The following RIMS1 variants were observed in gnomAD, a reference collection of about 807,000 sequenced individuals.
RIMS1 encodes regulating synaptic membrane exocytosis protein 1.
Under a neutral mutation model 214.1 loss-of-function variants are expected in RIMS1, and 83 were observed. That is an observed-to-expected ratio of 0.39 (90% CI 0.32 to 0.47). The LOEUF (loss-of-function observed/expected upper bound fraction) is 0.47, where lower values mean the gene tolerates loss of function less well. RIMS1 is among the 20% of genes least tolerant of loss of function. RIMS1 has a pLI of 0.99. For synonymous variants in RIMS1, 793 were observed against 786.8 expected (o/e 1.01, Z -0.13); for missense variants, 2,050 against 2,161.8 (o/e 0.95, Z 1.03).
At chr6:72,164,546 A>G (rs77250488) in intron 4 of RIMS1, among the ~76,000 whole-genome samples, 1,700 of 152,064 alleles carry the variant, frequency 0.011, 11 homozygotes, top group Non-Finnish European at 0.017. Flanking sequence ...AAAAGTTTGT[A>G]TTTTTCTGTA....
intron 4 of RIMS1, among the ~76,000 whole-genome samples, chr6:72,158,970 G>A (rs1233487135): frequency 7.1e-6 from 1 of 140,164 alleles, no homozygotes; most frequent in South Asian, 2.4e-4. Context: ...CTGAGGAATC[G>A]CCACACTGAC....
intron 1 of RIMS1, among the ~76,000 whole-genome samples, chr6:71,890,898 A>G (rs1177510823): frequency 6.6e-6 from 1 of 152,176 alleles, no homozygotes; most frequent in East Asian, 1.9e-4. Context: ...GAATTTAGTA[A>G]TATCCTAAAC....
At chr6:72,256,765 ATAT>A (rs2076038571) in intron 16 of RIMS1, among the ~76,000 whole-genome samples, 1 of 151,850 alleles carries the variant, frequency 6.6e-6, no homozygotes, top group Non-Finnish European at 1.5e-5. Flanking sequence ...TCTAGCCTTA[ATAT>A]TATAATTTCT....
intron 26 of RIMS1, among the ~76,000 whole-genome samples, chr6:72,298,476 A>G (rs1410374048): frequency 3.3e-5 from 5 of 152,030 alleles, no homozygotes; most frequent in Non-Finnish European, 7.4e-5. Flanking sequence ...GTTCTCATCC[A>G]CTTTGCTCTG....
chr6:72,352,868 A>G (rs770947909), intron 29 of RIMS1, among the ~76,000 whole-genome samples: 1 of 152,058 alleles, frequency 6.6e-6, no homozygotes, highest in Non-Finnish European at 1.5e-5. Flanking sequence ...GCAACCACTT[A>G]CTATGAATTC....
At chr6:72,351,341 A>G (rs2097440262) in intron 29 of RIMS1, among the ~76,000 whole-genome samples, 1 of 152,186 alleles carries the variant, frequency 6.6e-6, no homozygotes, top group African/African-American at 2.4e-5. Context: ...ACTGACAGTC[A>G]TGTTTAGGTG....
intron 4 of RIMS1, among the ~76,000 whole-genome samples, chr6:72,157,209 T>C (rs1247929365): frequency 7.1e-6 from 1 of 140,814 alleles, no homozygotes; most frequent in Non-Finnish European, 1.6e-5. Flanking sequence ...GTGTCAGGCA[T>C]GTGGGGAACA....
intron 1 of RIMS1, among the ~76,000 whole-genome samples, chr6:71,931,000 A>G (rs1458509245): frequency 1.3e-5 from 2 of 152,058 alleles, no homozygotes; most frequent in African/African-American, 2.4e-5. Context: ...AATGCATATT[A>G]TTGACACTAG....
intron 19 of RIMS1, chr6:72,261,864 T>C (rs1401553361): frequency 1.0e-6 from 1 of 985,138 alleles, no homozygotes; most frequent in Non-Finnish European, 1.2e-6. Context: ...ATATTAGTTC[T>C]GCTTGCTGAG....
At chr6:71,961,372 C>T (rs982549341) in intron 1 of RIMS1, among the ~76,000 whole-genome samples, 10 of 152,060 alleles carry the variant, frequency 6.6e-5, no homozygotes, top group South Asian at 2.1e-4. Context: ...CTCACCCTAC[C>T]GCTTGCTTCC....
intron 4 of RIMS1, among the ~76,000 whole-genome samples, chr6:72,114,180 T>C (rs570108098): frequency 1.3e-5 from 2 of 152,208 alleles, no homozygotes; most frequent in South Asian, 4.1e-4. Flanking sequence ...CTTGACACAA[T>C]GTAGTAAATG....
intron 2 of RIMS1, 114 bp downstream of exon 2, chr6:71,969,177 TA>T (rs1795201865): frequency 2.0e-6 from 2 of 984,748 alleles, no homozygotes; most frequent in African/African-American, 1.6e-5. Context: ...CTTGTATATG[TA>T]ACAAAAAGGC....
At chr6:72,006,264 C>T (rs775936540) in intron 2 of RIMS1, among the ~76,000 whole-genome samples, 3 of 152,144 alleles carry the variant, frequency 2.0e-5, no homozygotes, top group Non-Finnish European at 4.4e-5. Context: ...GCAGGGGTCC[C>T]AAACATTCAT....
intron 6 of RIMS1, among the ~76,000 whole-genome samples, chr6:72,196,373 GT>G (rs2050887258): frequency 9.8e-6 from 1 of 102,358 alleles, no homozygotes; most frequent in African/African-American, 3.8e-5. Context: ...CTGTCTGTCT[GT>G]CTGTCTATCT....
At chr6:72,088,152 T>G (rs1363138072) in intron 2 of RIMS1, among the ~76,000 whole-genome samples, 1 of 152,078 alleles carries the variant, frequency 6.6e-6, no homozygotes, top group Non-Finnish European at 1.5e-5. Flanking sequence ...TTTCATAAAG[T>G]GTCAGTGATT....
At chr6:72,149,105 C>G (rs1198150772) in intron 4 of RIMS1, among the ~76,000 whole-genome samples, 1 of 152,112 alleles carries the variant, frequency 6.6e-6, no homozygotes, top group African/African-American at 2.4e-5. Context: ...GGGAAAAAGC[C>G]TCTTGTTCTA....
intron 4 of RIMS1, among the ~76,000 whole-genome samples, chr6:72,141,526 A>G (rs1385826731): frequency 2.0e-5 from 3 of 151,974 alleles, no homozygotes; most frequent in Non-Finnish European, 4.4e-5. Flanking sequence ...CCTAAGAATA[A>G]TAGTGTTGAA....
At chr6:72,296,445 G>A (rs892613420) in intron 26 of RIMS1, among the ~76,000 whole-genome samples, 1 of 151,788 alleles carries the variant, frequency 6.6e-6, no homozygotes, top group Non-Finnish European at 1.5e-5. Context: ...CTGCCTAAAT[G>A]TTACTTCTGT....
At chr6:72,035,852 C>T (rs1225384023) in intron 2 of RIMS1, among the ~76,000 whole-genome samples, 1 of 152,040 alleles carries the variant, frequency 6.6e-6, no homozygotes, top group Non-Finnish European at 1.5e-5. Context: ...ACAGGGGAAA[C>T]TGATGTATTT....
Sources: gnomAD v4.1 joint callset for allele counts (sites outside exome capture counted in the v4.1 genomes callset) on GRCh38, gnomAD v4.1.1 for gene constraint, MANE v1.5 for transcripts, NCBI Gene and HGNC (gene_info 2026-07-23, HGNC 2026-07-21) for gene names.